The following DCDC2C variants were observed in gnomAD, a reference collection of about 807,000 sequenced individuals.
DCDC2C encodes the protein doublecortin domain-containing protein 2C.
A neutral mutation model predicts 45.0 loss-of-function variants in DCDC2C; 44 were observed. That is an observed-to-expected ratio of 0.98 (90% CI 0.77 to 1.26). DCDC2C has a LOEUF of 1.26. DCDC2C is among the 50% of genes most tolerant of loss of function. The pLI is 0.00. For synonymous variants in DCDC2C, 187 were observed against 178.8 expected (o/e 1.05, Z -0.37); for missense variants, 447 against 468.9 (o/e 0.95, Z 0.43).
rs932818600 is a variant in DCDC2C at position 3,766,067 on chromosome 2, C to T, written c.727-1687C>T. ...ATCCTGCTGCATCCAAAGTTACTTTCGTTTTGGGTGACTTTCCACGTCAGG... is the reference window on the plus strand; with the variant it reads ...ATCCTGCTGCATCCAAAGTTACTTTTGTTTTGGGTGACTTTCCACGTCAGG... On this transcript the variant is annotated intron_variant, in intron 6 of 10. Transcript: ENST00000399143. Among the ~76,000 whole-genome samples the T allele has an allele frequency of 5.9e-4, 90 of 152,136 alleles. 1 individual carries two copies. The highest frequency in any genetic ancestry group is 5.4e-3 in the Admixed American group (82 of 15,268).
intron 3 of DCDC2C, among the ~76,000 whole-genome samples, chr2:3,741,037 G>T (rs1178501001): frequency 6.6e-6 from 1 of 152,154 alleles, no homozygotes; most frequent in African/African-American, 2.4e-5. Context: ...TGAATTACAA[G>T]AGTTTGAAAC....
At chr2:3,814,469 C>T (rs143441451) in intron 10 of DCDC2C, among the ~76,000 whole-genome samples, 81 of 152,322 alleles carry the variant, frequency 5.3e-4, no homozygotes, top group African/African-American at 1.9e-3. Flanking sequence ...TTAGAACATG[C>T]TCAGTGTAGT....
At chr2:3,826,508 G>A (rs943375103) in intron 10 of DCDC2C, among the ~76,000 whole-genome samples, 3 of 151,958 alleles carry the variant, frequency 2.0e-5, no homozygotes, top group Non-Finnish European at 2.9e-5. Flanking sequence ...TTTAAATTAT[G>A]TATGTCAGAT....
intron 3 of DCDC2C, among the ~76,000 whole-genome samples, chr2:3,728,989 C>T (rs979484698): frequency 6.6e-6 from 1 of 152,196 alleles, no homozygotes; most frequent in African/African-American, 2.4e-5. Flanking sequence ...CTGATTGAGC[C>T]GTGTGGCCTG....
At chr2:3,811,395 G>A (rs1671388504) in intron 10 of DCDC2C, among the ~76,000 whole-genome samples, 2 of 152,108 alleles carry the variant, frequency 1.3e-5, no homozygotes, top group African/African-American at 4.8e-5. Context: ...TATTGTTGGT[G>A]TAAAGAATCC....
chr2:3,762,766 A>G (rs1669914494), intron 6 of DCDC2C, among the ~76,000 whole-genome samples: 1 of 152,158 alleles, frequency 6.6e-6, no homozygotes. Flanking sequence ...CGGGGGACAA[A>G]CATCCAAACT....
intron 2 of DCDC2C, among the ~76,000 whole-genome samples, chr2:3,719,938 C>T (rs541490539): frequency 1.4e-4 from 21 of 152,206 alleles, no homozygotes; most frequent in Non-Finnish European, 3.1e-4. Flanking sequence ...CAGGGTAAAG[C>T]ACCTCTTGAG....
intron 3 of DCDC2C, among the ~76,000 whole-genome samples, chr2:3,730,189 G>A (rs1453701172): frequency 6.6e-6 from 1 of 152,188 alleles, no homozygotes; most frequent in Non-Finnish European, 1.5e-5. Context: ...AGTCGCTCAA[G>A]CCTGTAATCA....
chr2:3,802,553 G>A (rs1367337251), intron 10 of DCDC2C, among the ~76,000 whole-genome samples: 1 of 152,186 alleles, frequency 6.6e-6, no homozygotes, highest in African/African-American at 2.4e-5. Flanking sequence ...GCTGGGAAGT[G>A]TAAGGTCAGG....
chr2:3,722,068 C>T (rs893534825), intron 2 of DCDC2C, among the ~76,000 whole-genome samples: 6 of 152,236 alleles, frequency 3.9e-5, no homozygotes, highest in African/African-American at 1.4e-4. Context: ...TATCTCATTT[C>T]GTGTTACTCA....
intron 10 of DCDC2C, among the ~76,000 whole-genome samples, chr2:3,813,292 G>T (rs146906335): frequency 2.0e-5 from 3 of 151,472 alleles, no homozygotes; most frequent in African/African-American, 4.9e-5. Flanking sequence ...AGATGGTCTC[G>T]ATCTGACCTC....
intron 2 of DCDC2C, among the ~76,000 whole-genome samples, chr2:3,726,564 G>T (rs930949967): frequency 6.6e-6 from 1 of 152,136 alleles, no homozygotes; most frequent in African/African-American, 2.4e-5. Flanking sequence ...AGGACATTCT[G>T]GTTGGAGTCT....
chr2:3,792,955 T>G (rs4849991), intron 10 of DCDC2C, among the ~76,000 whole-genome samples: 107,836 of 152,148 alleles, frequency 0.71, 38,655 homozygotes, highest in East Asian at 0.91. Flanking sequence ...GTGAGAAGCA[T>G]CTGGGAGTTT....
intron 10 of DCDC2C, among the ~76,000 whole-genome samples, chr2:3,791,045 G>A (rs1357366257): frequency 1.3e-5 from 2 of 152,158 alleles, no homozygotes; most frequent in Non-Finnish European, 2.9e-5. Context: ...GCGAGGCAGA[G>A]CTTGCAGGAG....
intron 10 of DCDC2C, among the ~76,000 whole-genome samples, chr2:3,826,773 C>T (rs12052516): frequency 0.11 from 16,067 of 152,098 alleles, 1,248 homozygotes; most frequent in East Asian, 0.38. Context: ...GCACCTGCAG[C>T]CCCCATTAAA....
chr2:3,842,724 T>C (rs1472075967), intron 10 of DCDC2C, among the ~76,000 whole-genome samples: 3 of 152,000 alleles, frequency 2.0e-5, no homozygotes, highest in African/African-American at 7.2e-5. Flanking sequence ...CTACTGTGGA[T>C]TGGAGGCTTT....
At chr2:3,812,789 C>G (rs538796620) in intron 10 of DCDC2C, among the ~76,000 whole-genome samples, 316 of 152,164 alleles carry the variant, frequency 2.1e-3, no homozygotes, top group Non-Finnish European at 3.7e-3. Flanking sequence ...TCTTTGTTCT[C>G]ATTGGTTTCA....
At chr2:3,840,999 G>A (rs945205117) in intron 10 of DCDC2C, among the ~76,000 whole-genome samples, 2 of 152,194 alleles carry the variant, frequency 1.3e-5, no homozygotes, top group African/African-American at 2.4e-5. Context: ...GCAGGTTCCA[G>A]GTCAGCTGAC....
chr2:3,821,988 C>T (rs1379192852), intron 10 of DCDC2C, among the ~76,000 whole-genome samples: 1 of 152,216 alleles, frequency 6.6e-6, no homozygotes, highest in Non-Finnish European at 1.5e-5. Context: ...TTAACAGTCA[C>T]TCCTTATTCC....
Sources: gnomAD v4.1 joint callset for allele counts (sites outside exome capture counted in the v4.1 genomes callset) on GRCh38, gnomAD v4.1.1 for gene constraint, MANE v1.5 for transcripts, NCBI Gene and HGNC (gene_info 2026-07-23, HGNC 2026-07-21) for gene names.